Variants in SPTA1 observed in about 807,000 individuals in gnomAD.
SPTA1 encodes the protein spectrin alpha chain, erythrocytic 1.
Under a neutral mutation model 324.7 loss-of-function variants are expected in SPTA1, and 177 were observed. The ratio of observed to expected loss-of-function variants is 0.55; its 90% CI spans 0.48 to 0.62. The LOEUF (loss-of-function observed/expected upper bound fraction) is 0.62. Ranked by LOEUF, SPTA1 falls within the 20% of genes least tolerant of loss-of-function variation. The pLI, the probability that SPTA1 is intolerant of heterozygous loss-of-function variation, is 0.00. For missense variants in SPTA1, 3,162 were observed against 2,883.6 expected (o/e 1.10, Z -2.21); for synonymous variants, 1,195 against 1,041.3 (o/e 1.15, Z -2.84).
In SPTA1 at chr1:158,643,431, T is replaced by TAAAGGA. The variant is rs777566085; in HGVS notation, c.4339-12_4339-7dup. ...AGGTCAGTGATCTTCCCTTCCTAAATAAAGGAAAAGGAAAGAGCCCAGATG... is the reference window on the plus strand; with the variant it reads ...AGGTCAGTGATCTTCCCTTCCTAAATAAAGGAAAAGGAAAAGGAAAGAGCCCAGATG... On this transcript the variant is annotated splice_polypyrimidine_tract_variant and splice_region_variant and intron_variant, in intron 30 of 51. Transcript: ENST00000643759. 2 of 1,612,936 alleles carry TAAAGGA rather than the reference T, an allele frequency of 1.2e-6. No individual in the cohort carries two copies. Among genetic ancestry groups the TAAAGGA allele is most frequent in the Non-Finnish European group, 1.7e-6 (2 of 1,179,706 alleles).
intron 39 of SPTA1, among the ~76,000 whole-genome samples, chr1:158,631,375 C>A (rs572347009): frequency 3.9e-5 from 6 of 152,048 alleles, no homozygotes; most frequent in Non-Finnish European, 7.4e-5. Flanking sequence ...AAATGTCTTA[C>A]GTTCTCACTT....
intron 25 of SPTA1, among the ~76,000 whole-genome samples, chr1:158,649,035 C>T (rs57617008): frequency 0.044 from 6,638 of 152,208 alleles, 470 homozygotes; most frequent in African/African-American, 0.15. Flanking sequence ...ACACACAGAC[C>T]TGTCTGAGTC....
At chr1:158,674,206 T>G in intron 10 of SPTA1, 123 bp downstream of exon 10, 2 of 1,042,602 alleles carry the variant, frequency 1.9e-6, no homozygotes, top group South Asian at 2.6e-5. Context: ...GTTTGATTCA[T>G]ATTATTAACA....
chr1:158,662,532 A>G (rs1571483456), intron 17 of SPTA1, among the ~76,000 whole-genome samples, 170 bp downstream of exon 17: 1 of 152,298 alleles, frequency 6.6e-6, no homozygotes, highest in East Asian at 1.9e-4. Flanking sequence ...GTAATTTTTT[A>G]GTATAATTTT....
rs756346207 is a variant in SPTA1 at position 158,638,178 on chromosome 1, C to A, written c.5044G>T (p.Asp1682Tyr). 1 of 1,613,862 alleles carries A rather than the reference C, an allele frequency of 6.2e-7. No homozygotes were observed. The highest frequency in any genetic ancestry group is 8.5e-7 in the Non-Finnish European group (1 of 1,179,946). ...TTATCTTTTTTCTTCACAATCTGAT[C>A]AACGTTGAAAGTCCCGCTGGAGAGC... ...DLLSSGTFNVDQIVKKKDNVN... is the reference protein window; with the variant it reads ...DLLSSGTFNVYQIVKKKDNVN... The change falls in exon 36 of 52, where the codon GAT (aspartate) becomes TAT (tyrosine). Residue 1682 changes from aspartate to tyrosine, a missense_variant. Asp to Tyr is a radical substitution (Grantham distance 160). Transcript: ENST00000643759.
At position 158,669,375 on chromosome 1, in the gene SPTA1, T is replaced by C. The variant is rs750412005; in HGVS notation, c.1833+33A>G. The stretch of plus-strand genomic sequence containing the variant: ...TACTTCCAATGAAAGGAACTCCTGA[T>C]AACTACATCCAGCTCCTGAAAACTC... On this transcript the variant is annotated intron_variant, in intron 14 of 51. Transcript: ENST00000643759. 4.5e-5 allele frequency: 73 copies of C among 1,613,740 alleles called. 1 individual carries two copies. Among genetic ancestry groups the C allele is most frequent in the South Asian group, 3.8e-4 (35 of 91,086 alleles).
chr1:158,617,228 G>A (rs941203688), intron 47 of SPTA1, among the ~76,000 whole-genome samples: 3 of 152,068 alleles, frequency 2.0e-5, no homozygotes, highest in Non-Finnish European at 2.9e-5. Flanking sequence ...GCCACAAAAC[G>A]TGAAACCACC....
intron 3 of SPTA1, 70 bp from the exon 4 acceptor site, chr1:158,681,737 C>A: frequency 6.3e-7 from 1 of 1,599,484 alleles, no homozygotes; most frequent in South Asian, 1.1e-5. Context: ...GAGACTTGTG[C>A]AGAAAGAGAC....
chr1:158,677,879 T>C lies in SPTA1; in HGVS notation c.813-45A>G, dbSNP rs703122. The C allele has an allele frequency of 0.57, 916,166 of 1,611,894 alleles. 265,242 individuals are homozygous for C. The highest frequency in any genetic ancestry group is 0.59 in the Non-Finnish European group (700,035 of 1,178,818). ...CTCCAACCAAAGAAGATAGCAAGCA[T>C]TACAGGGCAAACGGTCCAACAGAAC... On this transcript the variant is annotated intron_variant, in intron 6 of 51. Coordinates refer to ENST00000643759, the MANE Select transcript of SPTA1 (RefSeq NM_003126.4).
rs757791018 is a variant in SPTA1, at chr1:158,645,290, A to C, written c.4092T>G (p.Pro1364=). Reference sequence around the variant, plus strand: ...CAGCTTGAAGCTTTTTTTCAATTTCAGGGCTAGCATGGTGCCCACTGTCGA... The same window carrying C: ...CAGCTTGAAGCTTTTTTTCAATTTCCGGGCTAGCATGGTGCCCACTGTCGA... ...ELIDSGHHAS[P]EIEKKLQAVK... is the part of the protein sequence containing the mutation. The change falls in exon 29 of 52, where the codon CCT becomes CCG. Residue 1364 remains proline, a synonymous_variant. Coordinates refer to ENST00000643759, the MANE Select transcript of SPTA1 (RefSeq NM_003126.4). 1.9e-6 allele frequency: 3 copies of C among 1,613,994 alleles called. No homozygotes were observed. In the Admixed American group the frequency reaches 5.0e-5, roughly 27 times the overall value.
chr1:158,643,524 G>A lies in SPTA1; in HGVS notation c.4339-99C>T, dbSNP rs200830867. 7,298 of 1,149,520 alleles carry A rather than the reference G, an allele frequency of 6.3e-3. 43 individuals carry two copies. Among genetic ancestry groups the A allele is most frequent in the Non-Finnish European group, 8.9e-3 (6,928 of 781,224 alleles). 71.2% of individuals were successfully genotyped at this position (1,149,520 alleles called of 1,614,324 possible). A position where few individuals can be genotyped will look rare whatever the true frequency, so the allele number is the denominator to read the frequency against. ...GAAAAGAATGAAGGTATCCTTTGTG[G>A]ATTCAGAAGATATACTCAGGGTCAA... On this transcript the variant is annotated intron_variant, in intron 30 of 51. Transcript: ENST00000643759.
intron 20 of SPTA1, among the ~76,000 whole-genome samples, chr1:158,656,325 G>C (rs374482780): frequency 6.6e-6 from 1 of 152,114 alleles, no homozygotes; most frequent in Non-Finnish European, 1.5e-5. Context: ...GAAGGAAAGA[G>C]GAAAGCCAAA....
chr1:158,666,573 A>G, intron 15 of SPTA1, 76 bp from the exon 16 acceptor site: 5 of 1,271,674 alleles, frequency 3.9e-6, no homozygotes, highest in Non-Finnish European at 5.6e-6. Context: ...CCTTCCTCCA[A>G]TTGAAGGATC....
Position 158,620,290 on chromosome 1 carries a change from A to G in SPTA1, c.6297T>C (p.Phe2099=). 1 of 1,614,094 alleles carries G rather than the reference A, an allele frequency of 6.2e-7. No individual in the cohort carries two copies. Among genetic ancestry groups the G allele is most frequent in the Non-Finnish European group, 8.5e-7 (1 of 1,180,034 alleles). Residue 2099 remains phenylalanine (F), a synonymous_variant, in exon 44 of 52, where the codon TTT becomes TTC. Transcript: ENST00000643759. ...LASLARAQAD[F]KCLLELDQQI... is the part of the protein sequence containing the mutation. ...GCTGGTCTAGCTCCAGCAAACATTTAAAGTCTGCTTGAGCCCTAGCCAGGG... is the reference window on the plus strand; with the variant it reads ...GCTGGTCTAGCTCCAGCAAACATTTGAAGTCTGCTTGAGCCCTAGCCAGGG...
chr1:158,653,660 G>A (rs1249148962), intron 21 of SPTA1, among the ~76,000 whole-genome samples: 1 of 152,170 alleles, frequency 6.6e-6, no homozygotes, highest in Non-Finnish European at 1.5e-5. Context: ...CTTAACTTTG[G>A]AGAGATTTTC....
chr1:158,650,245 G>A (rs1447842900), intron 24 of SPTA1, among the ~76,000 whole-genome samples: 1 of 152,210 alleles, frequency 6.6e-6, no homozygotes, highest in African/African-American at 2.4e-5. Context: ...TGAATGGGAA[G>A]TGTTGCCTTG....
chr1:158,642,636 A>G (rs1651691778), intron 32 of SPTA1, 94 bp from the exon 33 acceptor site: 9 of 1,582,848 alleles, frequency 5.7e-6, no homozygotes, highest in South Asian at 5.6e-5. Flanking sequence ...TAATATTTCT[A>G]TCATAACTGA....
Position 158,661,438 on chromosome 1 carries a change from G to A in SPTA1, c.2465-29C>T, listed in dbSNP as rs773513534. 1.9e-5 allele frequency: 31 copies of A among 1,613,380 alleles called. 1 individual carries two copies. In the South Asian group the frequency reaches 2.5e-4, roughly 13 times the overall value. ...CAGAGGAAAGGAATTTCAAAGTTTC[G>A]GATTATCCTGGTGTATGGAAGTAGC... is the stretch of plus-strand genomic sequence containing the variant. On this transcript the variant is annotated intron_variant, in intron 17 of 51. Coordinates refer to ENST00000643759, the MANE Select transcript of SPTA1 (RefSeq NM_003126.4).
At chr1:158,617,948 G>T in intron 46 of SPTA1, 91 bp downstream of exon 46, 1 of 1,220,790 alleles carries the variant, frequency 8.2e-7, no homozygotes, top group Non-Finnish European at 1.2e-6. Context: ...GATTACAATG[G>T]AATGAAAATG....
Sources: allele counts gnomAD v4.1 joint callset (sites outside exome capture counted in the v4.1 genomes callset), GRCh38; gene constraint gnomAD v4.1.1; transcripts MANE v1.5; gene names NCBI Gene and HGNC (gene_info 2026-07-23, HGNC 2026-07-21).